Variants in FAM170A observed in about 807,000 individuals in gnomAD.
FAM170A encodes family with sequence similarity 170 member A.
In FAM170A, 28 loss-of-function variants were observed where a neutral mutation model predicts 36.6. The observed-to-expected ratio is 0.76, with a 90% confidence interval of 0.57 to 1.05. FAM170A has a LOEUF of 1.05. Among genes scored for constraint, FAM170A ranks in the 50% least tolerant of loss-of-function variants. The pLI, the probability that FAM170A is intolerant of heterozygous loss-of-function variation, is 0.00. For synonymous variants in FAM170A, 156 were observed against 143.9 expected (o/e 1.08, Z -0.60); for missense variants, 434 against 396.5 (o/e 1.09, Z -0.80).
exon 3 of FAM170A, chr5:119,634,251 G>A: frequency 6.2e-7 from 1 of 1,614,204 alleles, no homozygotes; most frequent in South Asian, 1.1e-5. Flanking sequence ...GAGGTTGTGA[G>A]GGTAGGTACT....
At chr5:119,635,077 C>A in exon 4 of FAM170A, 1 of 1,610,308 alleles carries the variant, frequency 6.2e-7, no homozygotes, top group Non-Finnish European at 8.5e-7. Context: ...GTGGCCTTCT[C>A]TTGCAAGAGG....
chr5:119,632,232 TAGA>T (rs1244355350), intron 1 of FAM170A, among the ~76,000 whole-genome samples: 8 of 152,224 alleles, frequency 5.3e-5, no homozygotes. Context: ...AAAGTCCACT[TAGA>T]AGAAGGACTG....
intron 1 of FAM170A, among the ~76,000 whole-genome samples, chr5:119,632,304 G>A (rs1756270856): frequency 6.6e-6 from 1 of 152,150 alleles, no homozygotes; most frequent in Non-Finnish European, 1.5e-5. Context: ...CATGGTAGCT[G>A]TTCATGAAAA....
chr5:119,632,930 T>C, intron 2 of FAM170A, 42 bp downstream of exon 2: 1 of 1,520,916 alleles, frequency 6.6e-7, no homozygotes, highest in South Asian at 1.3e-5. Context: ...TCCTTGGCTG[T>C]GGGGTTCATT....
At chr5:119,630,539 C>T (rs867673357) in intron 1 of FAM170A, among the ~76,000 whole-genome samples, 1 of 152,110 alleles carries the variant, frequency 6.6e-6, no homozygotes, top group Admixed American at 6.6e-5. Flanking sequence ...GAGGGGAAGA[C>T]CTGGCTGTTG....
In FAM170A at chr5:119,634,845, T is replaced by C. The variant is rs1203866769; in HGVS notation, c.986+111T>C. On this transcript the variant is annotated intron_variant, in intron 3 of 4. Coordinates refer to ENST00000613773, the Ensembl canonical transcript of FAM170A. Reference sequence around the variant, plus strand: ...CTGTAAGGAAGATTTGGGGGCTTTATTGGCTCAGGGAACAATGGAGGGGGA... The same window carrying C: ...CTGTAAGGAAGATTTGGGGGCTTTACTGGCTCAGGGAACAATGGAGGGGGA... 1.3e-5 allele frequency: 17 copies of C among 1,291,938 alleles called. No individual in the cohort carries two copies. The South Asian group carries it at 1.6e-4, about 12-fold the overall frequency. The allele number at this position is 1,291,938 out of a possible 1,614,324, so 80.0% of individuals were successfully genotyped here.
intron 2 of FAM170A, 92 bp from the exon 3 acceptor site, chr5:119,633,868 C>G (rs764060043): frequency 6.7e-7 from 1 of 1,484,112 alleles, no homozygotes; most frequent in African/African-American, 1.4e-5. Flanking sequence ...CACCACAGTC[C>G]CTGTCTCCTG....
intron 2 of FAM170A, among the ~76,000 whole-genome samples, chr5:119,633,730 G>T (rs188235609): frequency 6.6e-6 from 1 of 151,908 alleles, no homozygotes; most frequent in Non-Finnish European, 1.5e-5. Context: ...ATATGCTGCA[G>T]TCCTCACCAC....
exon 3 of FAM170A, chr5:119,634,314 G>C (rs771382640): frequency 1.9e-5 from 31 of 1,614,142 alleles, no homozygotes; most frequent in Non-Finnish European, 2.5e-5. Context: ...GAGCCCAGTG[G>C]GGAGGAGAAA....
exon 1 of FAM170A, chr5:119,629,807 A>G: frequency 8.1e-6 from 13 of 1,613,750 alleles, no homozygotes; most frequent in Non-Finnish European, 1.1e-5. Flanking sequence ...TGGAAAATGA[A>G]GAGTCCCAGG....
At chr5:119,632,049 C>A (rs139653498) in intron 1 of FAM170A, among the ~76,000 whole-genome samples, 220 of 152,172 alleles carry the variant, frequency 1.4e-3, no homozygotes, top group African/African-American at 4.7e-3. Context: ...AAATATTGCA[C>A]GGGACATACT....
chr5:119,629,982 C>T (rs1228485419), intron 1 of FAM170A, 144 bp downstream of exon 1: 5 of 576,716 alleles, frequency 8.7e-6, no homozygotes, highest in Non-Finnish European at 1.5e-5. Flanking sequence ...AGCTCTGCCT[C>T]TCGGGTTCAC....
In FAM170A at chr5:119,629,774, A is replaced by T. The variant is rs771082205; in HGVS notation, c.6A>T (p.Lys2Asn). 2.5e-6 allele frequency: 4 copies of T among 1,613,314 alleles called. No individual in the cohort carries two copies. In the Admixed American group the frequency reaches 6.7e-5, roughly 27 times the overall value. ...AAACTCTTCTAGCTGATATCATGAA[A>T]CGACGACAAAAGAGGAAACATTTGG... is the stretch of plus-strand genomic sequence containing the variant. Residue 2 changes from lysine (K) to asparagine (N), a missense_variant, in exon 1 of 5, where the codon AAA becomes AAT. Transcript: ENST00000613773.
chr5:119,635,505 A>C (rs1756362279), intron 4 of FAM170A, among the ~76,000 whole-genome samples, 195 bp from the exon 5 acceptor site: 1 of 152,228 alleles, frequency 6.6e-6, no homozygotes, highest in East Asian at 1.9e-4. Flanking sequence ...AGGTAACAAC[A>C]TCATCCTGAT....
chr5:119,630,037 G>A (rs1478663558), intron 1 of FAM170A, among the ~76,000 whole-genome samples, 199 bp downstream of exon 1: 2 of 151,354 alleles, frequency 1.3e-5, no homozygotes, highest in African/African-American at 2.4e-5. Flanking sequence ...GACTACAGGT[G>A]CCCACCACCA....
chr5:119,630,868 A>C (rs1469227342), intron 1 of FAM170A, among the ~76,000 whole-genome samples: 1 of 152,202 alleles, frequency 6.6e-6, no homozygotes, highest in Non-Finnish European at 1.5e-5. Context: ...GAGTAGCCCA[A>C]TGAGTTAAAG....
chr5:119,630,796 G>A (rs1223683637), intron 1 of FAM170A, among the ~76,000 whole-genome samples: 1 of 152,176 alleles, frequency 6.6e-6, no homozygotes, highest in African/African-American at 2.4e-5. Context: ...TGACTGAGGT[G>A]GAAGGTGTGA....
At chr5:119,634,063 G>A (rs182780533) in exon 3 of FAM170A, 74 of 1,614,040 alleles carry the variant, frequency 4.6e-5, no homozygotes, top group African/African-American at 4.0e-4. Context: ...TCTCCTTGTC[G>A]TCCTATTCAT....
At chr5:119,630,593 C>T (rs182973873) in intron 1 of FAM170A, among the ~76,000 whole-genome samples, 65 of 152,224 alleles carry the variant, frequency 4.3e-4, no homozygotes, top group Non-Finnish European at 6.5e-4. Context: ...AGATGTGAGA[C>T]GGACAGGAAG....
Sources: allele counts gnomAD v4.1 joint callset (sites outside exome capture counted in the v4.1 genomes callset), GRCh38; gene constraint gnomAD v4.1.1; transcripts MANE v1.5; gene names NCBI Gene and HGNC (gene_info 2026-07-23, HGNC 2026-07-21).